SHPRH: variants seen among roughly 807,000 people sequenced by gnomAD.
SHPRH encodes SNF2 histone linker PHD RING helicase, also known as E3 ubiquitin-protein ligase SHPRH.
A neutral mutation model predicts 202.5 loss-of-function variants in SHPRH; 106 were observed. The ratio of observed to expected loss-of-function variants is 0.52; its 90% CI spans 0.45 to 0.62. The LOEUF (loss-of-function observed/expected upper bound fraction) is 0.62. SHPRH is among the 20% of genes least tolerant of loss of function. SHPRH has a pLI of 0.00. For missense variants in SHPRH, 1,710 were observed against 2,020.0 expected, an observed-to-expected ratio of 0.85 and a Z score of 2.94; for synonymous variants, 729 against 686.0, an observed-to-expected ratio of 1.06 and a Z score of -0.98.
rs1781898030 is a variant in SHPRH, at chr6:145,895,095, T to A, written c.4516-118A>T. ...ACTATAAATGCATCAAAACAAATTA[T>A]CAGGTGCATATGTGTTTACTCTTTT... On this transcript the variant is annotated intron_variant, in intron 25 of 29. Coordinates refer to ENST00000275233, the MANE Select transcript of SHPRH (RefSeq NM_001042683.3). 7.1e-6 allele frequency: 6 copies of A among 850,372 alleles called. No homozygotes were observed. In the Admixed American group the frequency reaches 1.4e-4, roughly 20 times the overall value. 52.7% of individuals were successfully genotyped at this position (850,372 alleles called of 1,614,324 possible). A position where few individuals can be genotyped will look rare whatever the true frequency, so the allele number is the denominator to read the frequency against.
chr6:145,925,369 C>CACAT (rs562153409), intron 16 of SHPRH, among the ~76,000 whole-genome samples: 4 of 148,970 alleles, frequency 2.7e-5, no homozygotes, highest in South Asian at 2.1e-4. Flanking sequence ...CACACACACA[C>CACAT]ATGCATGCAA....
intron 2 of SHPRH, among the ~76,000 whole-genome samples, chr6:145,867,280 C>G (rs1779819522): frequency 6.6e-6 from 1 of 151,976 alleles, no homozygotes; most frequent in Admixed American, 6.6e-5. Flanking sequence ...AGATGAGTAT[C>G]CAAATTCATC....
rs1788354956 is a variant in SHPRH at position 145,954,998 on chromosome 6, C to G, written c.325G>C (p.Asp109His). 6.2e-7 allele frequency: 1 copy of G among 1,613,604 alleles called. No homozygotes were observed. The highest frequency in any genetic ancestry group is 8.5e-7 in the Non-Finnish European group (1 of 1,179,870). Reference sequence around the variant, plus strand: ...CCTAGAAATGCTTTCCAGGAATTATCAAAATGATAGGGAGAAATCACAATA... The same window carrying G: ...CCTAGAAATGCTTTCCAGGAATTATGAAAATGATAGGGAGAAATCACAATA... ...LNIVISPYHF[D>H]NSWKAFLGEL... The change falls in exon 2 of 30, where the codon GAT becomes CAT. Residue 109 changes from aspartate to histidine, a missense_variant. Physicochemically the swap from Asp to His is moderately conservative, Grantham distance 81. This residue lies in a region of SHPRH where 459 missense variants were observed against 426.5 expected (regional missense o/e 1.08). Coordinates refer to ENST00000275233, the MANE Select transcript of SHPRH (RefSeq NM_001042683.3).
Position 145,904,706 on chromosome 6 carries a change from A to G in SHPRH, c.4515+5742T>C, listed in dbSNP as rs191381495. ...CAGTGTGACAACGTCGAGGAGGGAT[A>G]AAATTTGCCCGCACAATGGTACAAT... On this transcript the variant is annotated intron_variant, in intron 25 of 29. Transcript: ENST00000275233. 190 of 152,296 alleles carry G rather than the reference A, an allele frequency of 1.2e-3. 1 individual carries two copies. The highest frequency in any genetic ancestry group is 4.2e-3 in the African/African-American group (176 of 41,566). 9.4% of individuals were successfully genotyped at this position (152,296 alleles called of 1,614,324 possible).
chr6:145,883,467 A>G (rs1046093758), downstream of SHPRH: 5 of 152,372 alleles, frequency 3.3e-5, no homozygotes, highest in Admixed American at 1.3e-4. Flanking sequence ...CTCAGAGGCA[A>G]CACCACATAC....
In SHPRH at chr6:145,932,823, G is replaced by T. The variant is rs530691062; in HGVS notation, c.3112+234C>A. Among the ~76,000 whole-genome samples, 3 of 151,222 alleles carry T rather than the reference G, an allele frequency of 2.0e-5. No homozygotes were observed. The East Asian group carries it at 5.8e-4, about 29-fold the overall frequency. On this transcript the variant is annotated intron_variant, in intron 14 of 29. Transcript: ENST00000275233. ...TGTGTATCCTCATTTCCTTAAAAAAGAACTAAAAATGGAAATGTTTGGTTA... is the reference window on the plus strand; with the variant it reads ...TGTGTATCCTCATTTCCTTAAAAAATAACTAAAAATGGAAATGTTTGGTTA...
At chr6:145,922,501 TGA>T (rs2128750306) in intron 19 of SHPRH, among the ~76,000 whole-genome samples, 153 bp from the exon 20 acceptor site, 1 of 152,204 alleles carries the variant, frequency 6.6e-6, no homozygotes, top group South Asian at 2.1e-4. Flanking sequence ...ACCTTGTCCT[TGA>T]GACTTTATTT....
Position 145,886,597 on chromosome 6 carries a change from T to TGTTCCTACTGG in SHPRH, c.*93_*94insCCAGTAGGAAC. The TGTTCCTACTGG allele has an allele frequency of 6.5e-7, 1 of 1,550,190 alleles. No individual in the cohort carries two copies. Among genetic ancestry groups the TGTTCCTACTGG allele is most frequent in the African/African-American group, 1.4e-5 (1 of 73,082 alleles). ...TTCATTCAACTAGGAACAGTGTTAC[T>TGTTCCTACTGG]GTTATCTACTGGGTTTTTAAAACTT... is the stretch of plus-strand genomic sequence containing the variant. On this transcript the variant is annotated 3_prime_UTR_variant, in exon 30 of 30. Transcript: ENST00000275233.
chr6:145,922,351 G>GA lies in SHPRH; in HGVS notation c.3720-4dup, dbSNP rs752643869. 26 of 1,553,420 alleles carry GA rather than the reference G, an allele frequency of 1.7e-5. No individual in the cohort carries two copies. Among genetic ancestry groups the GA allele is most frequent in the African/African-American group, 8.6e-5 (6 of 69,430 alleles). Reference sequence around the variant, plus strand: ...CATCAGCTTTACAAAAGACACAGCTGAAAAAAAAGAGATTAACAGAAATAT... The same window carrying GA: ...CATCAGCTTTACAAAAGACACAGCTGAAAAAAAAAGAGATTAACAGAAATAT... On this transcript the variant is annotated splice_region_variant and splice_polypyrimidine_tract_variant and intron_variant, in intron 19 of 29. Transcript: ENST00000275233.
Position 145,935,290 on chromosome 6 carries a change from A to G in SHPRH, c.2721T>C (p.Asp907=). Residue 907 remains aspartate, a synonymous_variant, in exon 12 of 30, where the codon GAT becomes GAC. Transcript: ENST00000275233. ...TTATTGTACTGACTTGGTCAATCACATCTTTCTTTGCAGACCTCCACAGTA... is the reference window on the plus strand; with the variant it reads ...TTATTGTACTGACTTGGTCAATCACGTCTTTCTTTGCAGACCTCCACAGTA... ...AKILWRSAKK[D]VIDQIQIPPQ... The G allele has an allele frequency of 6.2e-7, 1 of 1,614,046 alleles. No individual in the cohort carries two copies. Among genetic ancestry groups the G allele is most frequent in the Non-Finnish European group, 8.5e-7 (1 of 1,180,000 alleles).
In SHPRH at chr6:145,919,801, A is replaced by G. The variant is rs1379562190; in HGVS notation, c.4009-310T>C. On this transcript the variant is annotated intron_variant, in intron 21 of 29. Coordinates refer to ENST00000275233, the MANE Select transcript of SHPRH (RefSeq NM_001042683.3). Reference sequence around the variant, plus strand: ...TTTATTTTTTAAAAATAGTTTTATTATAACATATTTCACATATTCAACTAT... The same window carrying G: ...TTTATTTTTTAAAAATAGTTTTATTGTAACATATTTCACATATTCAACTAT... Among the ~76,000 whole-genome samples the G allele has an allele frequency of 2.0e-5, 3 of 152,164 alleles. No individual in the cohort carries two copies. The East Asian group carries it at 5.8e-4, about 29-fold the overall frequency.
At chr6:145,919,264 C>T (rs1784217713) in intron 22 of SHPRH, 84 bp downstream of exon 22, 1 of 1,549,306 alleles carries the variant, frequency 6.5e-7, no homozygotes, top group Non-Finnish European at 8.8e-7. Flanking sequence ...GAGCTCAGTG[C>T]CCTGATTCTG....
intron 15 of SHPRH, among the ~76,000 whole-genome samples, chr6:145,926,648 T>C (rs1784905789): frequency 6.6e-6 from 1 of 152,062 alleles, no homozygotes; most frequent in Non-Finnish European, 1.5e-5. Flanking sequence ...ACATCTTACC[T>C]GGGACTCAAA....
chr6:145,914,038 C>G (rs141831901), intron 23 of SHPRH, among the ~76,000 whole-genome samples: 84 of 152,140 alleles, frequency 5.5e-4, no homozygotes, highest in African/African-American at 1.8e-3. Flanking sequence ...CATATAGATT[C>G]CAATTCATTT....
intron 25 of SHPRH, among the ~76,000 whole-genome samples, chr6:145,902,270 C>A (rs1346869648): frequency 6.6e-6 from 1 of 152,108 alleles, no homozygotes; most frequent in African/African-American, 2.4e-5. Flanking sequence ...CTGGAAGTCA[C>A]TTAGTAACAC....
intron 14 of SHPRH, 116 bp from the exon 15 acceptor site, chr6:145,927,393 T>A: frequency 1.8e-5 from 17 of 952,700 alleles, no homozygotes; most frequent in Non-Finnish European, 2.6e-5. Flanking sequence ...ATTATAACTT[T>A]TTTTAAGTAA....
At chr6:145,940,640 A>G (rs2128777904) in intron 11 of SHPRH, 83 bp downstream of exon 11, 1 of 1,353,538 alleles carries the variant, frequency 7.4e-7, no homozygotes, top group East Asian at 2.4e-5. Context: ...GGACTGCAGC[A>G]AAGGTTAAGC....
intron 11 of SHPRH, among the ~76,000 whole-genome samples, chr6:145,938,542 A>G (rs1582769497): frequency 6.6e-6 from 1 of 152,336 alleles, no homozygotes; most frequent in East Asian, 1.9e-4. Flanking sequence ...ACTTTCGAAG[A>G]CATTAAAATA....
intron 2 of SHPRH, among the ~76,000 whole-genome samples, chr6:145,868,442 G>T (rs187202939): frequency 1.7e-3 from 252 of 152,318 alleles, no homozygotes; most frequent in Non-Finnish European, 3.0e-3. Context: ...AAGTTGTGAA[G>T]CTTGGATTTA....
Sources: allele counts gnomAD v4.1 joint callset (sites outside exome capture counted in the v4.1 genomes callset), GRCh38; gene constraint gnomAD v4.1.1; regional missense constraint gnomAD v4.1.1; transcripts MANE v1.5; gene names NCBI Gene and HGNC (gene_info 2026-07-23, HGNC 2026-07-21).